The following ADAMTSL1 variants were observed in gnomAD, a reference collection of about 807,000 sequenced individuals.
The protein encoded by ADAMTSL1 is ADAMTS like 1, also known as ADAMTS-like protein 1.
In ADAMTSL1, 126 loss-of-function variants were observed where a neutral mutation model predicts 201.8. The observed-to-expected ratio is 0.62, with a 90% CI of 0.54 to 0.72. ADAMTSL1 has a LOEUF of 0.72. ADAMTSL1 is among the 30% of genes least tolerant of loss of function. ADAMTSL1 has a pLI of 0.00. For synonymous variants in ADAMTSL1, 1,121 were observed against 903.4 expected (o/e 1.24, Z -4.32); for missense variants, 2,679 against 2,277.8 (o/e 1.18, Z -3.59).
At chr9:18,712,706 TTA>T (rs1554738421) in intron 14 of ADAMTSL1, among the ~76,000 whole-genome samples, 4 of 151,650 alleles carry the variant, frequency 2.6e-5, no homozygotes, top group Non-Finnish European at 5.9e-5. Flanking sequence ...CTTCCCCAAT[TTA>T]GCAAGGCAGG....
At chr9:18,565,314 T>C (rs1821810587) in intron 3 of ADAMTSL1, among the ~76,000 whole-genome samples, 1 of 152,182 alleles carries the variant, frequency 6.6e-6, no homozygotes, top group African/African-American at 2.4e-5. Context: ...TTCAAGGTCA[T>C]AGAGTTATAA....
At chr9:18,830,364 C>T (rs1376500546) in intron 23 of ADAMTSL1, among the ~76,000 whole-genome samples, 1 of 152,166 alleles carries the variant, frequency 6.6e-6, no homozygotes, top group East Asian at 1.9e-4. Flanking sequence ...TCCCCTGCCA[C>T]CTAAACTAGA....
chr9:18,275,735 C>T (rs1024553169), intron 2 of ADAMTSL1, among the ~76,000 whole-genome samples: 1 of 152,086 alleles, frequency 6.6e-6, no homozygotes, highest in Non-Finnish European at 1.5e-5. Context: ...TTTAGATGTA[C>T]CAGAATTTGT....
chr9:18,708,273 G>A (rs140799971), intron 14 of ADAMTSL1, among the ~76,000 whole-genome samples: 360 of 152,330 alleles, frequency 2.4e-3, no homozygotes, highest in African/African-American at 8.3e-3. Flanking sequence ...TACTAGCAAA[G>A]AATCAATTTT....
chr9:18,151,589 CAACA>C (rs1341848855), intron 1 of ADAMTSL1, among the ~76,000 whole-genome samples: 1 of 151,682 alleles, frequency 6.6e-6, no homozygotes, highest in Non-Finnish European at 1.5e-5. Context: ...TCATTGTATT[CAACA>C]AACACAGTAG....
At chr9:18,808,736 G>A (rs1008103391) in intron 20 of ADAMTSL1, among the ~76,000 whole-genome samples, 2 of 152,254 alleles carry the variant, frequency 1.3e-5, no homozygotes, top group Admixed American at 6.5e-5. Context: ...TTAAACAAGT[G>A]CCCTGGGAAT....
intron 13 of ADAMTSL1, among the ~76,000 whole-genome samples, chr9:18,694,269 C>T (rs1369824920): frequency 1.3e-5 from 2 of 152,088 alleles, no homozygotes; most frequent in Admixed American, 1.3e-4. Context: ...CTGCCCCTGG[C>T]CCCTCCCAAA....
At chr9:18,632,209 T>C (rs1423764201) in intron 5 of ADAMTSL1, among the ~76,000 whole-genome samples, 1 of 152,232 alleles carries the variant, frequency 6.6e-6, no homozygotes, top group Non-Finnish European at 1.5e-5. Flanking sequence ...AGTAGAAGCA[T>C]CTTCCAATCC....
At chr9:18,841,936 T>A (rs1294203963) in intron 23 of ADAMTSL1, among the ~76,000 whole-genome samples, 1 of 152,050 alleles carries the variant, frequency 6.6e-6, no homozygotes, top group African/African-American at 2.4e-5. Context: ...CTTTTCTTCT[T>A]TATTAGTCTT....
intron 2 of ADAMTSL1, among the ~76,000 whole-genome samples, chr9:18,173,561 T>A (rs528163612): frequency 2.0e-5 from 3 of 152,270 alleles, no homozygotes; most frequent in African/African-American, 7.2e-5. Flanking sequence ...CCCTATCTTT[T>A]ATTTATGAGA....
chr9:18,476,795 G>A (rs1205640631), intron 1 of ADAMTSL1, among the ~76,000 whole-genome samples: 2 of 152,184 alleles, frequency 1.3e-5, no homozygotes, highest in African/African-American at 4.8e-5. Context: ...TTTGTGGCAA[G>A]CCCAGTTTCT....
At chr9:18,517,607 C>A (rs574786586) in intron 2 of ADAMTSL1, among the ~76,000 whole-genome samples, 45 of 148,848 alleles carry the variant, frequency 3.0e-4, no homozygotes, top group African/African-American at 1.0e-3. Flanking sequence ...TGTGATATTC[C>A]CCTTCCTGTG....
chr9:18,556,427 T>A (rs1821113972), intron 3 of ADAMTSL1, among the ~76,000 whole-genome samples: 1 of 152,016 alleles, frequency 6.6e-6, no homozygotes, highest in Admixed American at 6.6e-5. Flanking sequence ...AATCTTACTC[T>A]AGATGACTTT....
chr9:18,267,975 G>A (rs542156009), intron 2 of ADAMTSL1, among the ~76,000 whole-genome samples: 2 of 151,902 alleles, frequency 1.3e-5, no homozygotes, highest in African/African-American at 2.4e-5. Context: ...ATCTCATAAG[G>A]TACAGATTTA....
Position 18,331,846 on chromosome 9 carries a change from C to G in ADAMTSL1, c.207+167865C>G, listed in dbSNP as rs557146576. On this transcript the variant is annotated intron_variant, in intron 2 of 29. Transcript: ENST00000680146. ...TGGAACTAAAATGAAAATAGAATTA[C>G]CAAAAGGGCAGATGCAGTATCTTAT... 2.6e-4 allele frequency among the ~76,000 whole-genome samples: 39 copies of G among 152,212 alleles called. No homozygotes were observed. In the South Asian group the frequency reaches 7.9e-3, roughly 31 times the overall value.
At chr9:18,887,727 C>T in intron 23 of ADAMTSL1, 104 bp from the exon 24 acceptor site, 1 of 1,038,510 alleles carries the variant, frequency 9.6e-7, no homozygotes, top group Non-Finnish European at 1.4e-6. Flanking sequence ...GACAAGGCCA[C>T]ATTGTGTGTA....
intron 2 of ADAMTSL1, among the ~76,000 whole-genome samples, chr9:18,226,356 A>G (rs890731454): frequency 2.0e-5 from 3 of 152,080 alleles, no homozygotes; most frequent in African/African-American, 7.2e-5. Flanking sequence ...CAGGTTTGGA[A>G]TGACAATTAC....
intron 2 of ADAMTSL1, among the ~76,000 whole-genome samples, chr9:18,443,961 T>C (rs577244371): frequency 6.6e-6 from 1 of 152,338 alleles, no homozygotes; most frequent in South Asian, 2.1e-4. Context: ...GTGATGGAGA[T>C]GATCTTGTGT....
intron 1 of ADAMTSL1, among the ~76,000 whole-genome samples, chr9:18,476,395 C>T (rs1587321387): frequency 6.6e-6 from 1 of 152,062 alleles, no homozygotes; most frequent in Non-Finnish European, 1.5e-5. Context: ...TATTTAAGAA[C>T]AATGAAAACA....
Sources: gnomAD v4.1 joint callset for allele counts (sites outside exome capture counted in the v4.1 genomes callset) on GRCh38, gnomAD v4.1.1 for gene constraint, MANE v1.5 for transcripts, NCBI Gene and HGNC (gene_info 2026-07-23, HGNC 2026-07-21) for gene names.